The following DACH2 variants were observed in gnomAD, a reference collection of about 807,000 sequenced individuals.
DACH2 encodes dachshund homolog 2.
A neutral mutation model predicts 35.8 loss-of-function variants in DACH2; 17 were observed. That is an observed-to-expected ratio of 0.48 (90% CI 0.33 to 0.71). DACH2 has a LOEUF of 0.71. Ranked by LOEUF, DACH2 falls within the 30% of genes least tolerant of loss-of-function variation. The probability of loss-of-function intolerance (pLI) is 0.02; values close to 1 mark genes in which losing one functional copy is unlikely to be tolerated. For synonymous variants in DACH2, 195 were observed against 177.3 expected, an observed-to-expected ratio of 1.10 and a Z score of -0.79; for missense variants, 469 against 472.7, an observed-to-expected ratio of 0.99 and a Z score of 0.07.
chrX:86,763,701 C>T (rs1306803805), intron 7 of DACH2, among the ~76,000 whole-genome samples: 1 of 111,319 alleles, frequency 9.0e-6, no homozygotes, highest in Non-Finnish European at 1.9e-5. Flanking sequence ...ATCCACCTGC[C>T]TCGGCCTCCC....
chrX:86,451,131 A>G (rs1346804487), intron 2 of DACH2, among the ~76,000 whole-genome samples: 2 of 111,482 alleles, frequency 1.8e-5, no homozygotes. Context: ...TTTGTTATGA[A>G]ATCTTTGCCC....
chrX:86,714,576 T>A lies in DACH2; in HGVS notation c.960T>A (p.Pro320=). The change falls in exon 6 of 12, where the codon CCT becomes CCA. Residue 320 remains proline, a synonymous_variant. Transcript: ENST00000373125. ...NRLDLPFMMM[P]HPLLPVSLPP... is the part of the protein sequence containing the mutation. Reference sequence around the variant, plus strand: ...TGGATCTGCCATTTATGATGATGCCTCATCCCCTACTTCCAGTCAGCTTAC... The same window carrying A: ...TGGATCTGCCATTTATGATGATGCCACATCCCCTACTTCCAGTCAGCTTAC... 8.3e-7 allele frequency: 1 copy of A among 1,206,634 alleles called. No homozygotes were observed. Among genetic ancestry groups the A allele is most frequent in the South Asian group, 1.8e-5 (1 of 56,174 alleles).
At chrX:86,768,435 A>T (rs1464439701) in intron 7 of DACH2, among the ~76,000 whole-genome samples, 1 of 111,080 alleles carries the variant, frequency 9.0e-6, no homozygotes, top group African/African-American at 3.3e-5. Context: ...AGCATATGCA[A>T]TTCTATTTCT....
chrX:86,424,410 T>C (rs1377057126), intron 2 of DACH2, among the ~76,000 whole-genome samples: 1 of 111,290 alleles, frequency 9.0e-6, no homozygotes, highest in Admixed American at 9.6e-5. Context: ...ACTTCTTCAG[T>C]TAATTTCTAG....
chrX:86,667,537 GA>G (rs1379112358), intron 4 of DACH2, among the ~76,000 whole-genome samples: 373 of 50,796 alleles, frequency 7.3e-3, no homozygotes, highest in Middle Eastern at 0.011. Context: ...AAGAAAGAAA[GA>G]AAGAAAGAAG....
intron 2 of DACH2, among the ~76,000 whole-genome samples, chrX:86,395,366 T>A (rs966553667): frequency 3.6e-5 from 4 of 111,138 alleles, no homozygotes; most frequent in Non-Finnish European, 7.6e-5. Context: ...TTGTTATATA[T>A]ATTATATTTC....
At chrX:86,532,856 C>T (rs1314479990) in intron 3 of DACH2, among the ~76,000 whole-genome samples, 1 of 110,281 alleles carries the variant, frequency 9.1e-6, no homozygotes, top group African/African-American at 3.3e-5. Context: ...TGAGATAGAA[C>T]CATACATTGT....
chrX:86,699,810 T>A (rs1224433802), intron 5 of DACH2, among the ~76,000 whole-genome samples: 4 of 111,594 alleles, frequency 3.6e-5, no homozygotes, highest in African/African-American at 1.3e-4. Flanking sequence ...TAATTTGAGA[T>A]CTTCCAAACT....
chrX:86,305,303 G>C (rs760063395), intron 1 of DACH2, among the ~76,000 whole-genome samples: 2 of 111,699 alleles, frequency 1.8e-5, no homozygotes, highest in Non-Finnish European at 1.9e-5. Flanking sequence ...GATGTGTACT[G>C]TTGACAACAT....
intron 2 of DACH2, among the ~76,000 whole-genome samples, chrX:86,475,226 G>T (rs1391354848): frequency 9.0e-6 from 1 of 111,501 alleles, no homozygotes; most frequent in South Asian, 3.7e-4. Flanking sequence ...AATATCAACA[G>T]AATTGATATT....
At chrX:86,479,940 G>T (rs182318564) in intron 2 of DACH2, among the ~76,000 whole-genome samples, 2 of 112,559 alleles carry the variant, frequency 1.8e-5, no homozygotes, top group East Asian at 5.6e-4. Context: ...TGTTCTGAAA[G>T]GCCACGTATC....
At chrX:86,638,600 C>T (rs2040307697) in intron 3 of DACH2, among the ~76,000 whole-genome samples, 2 of 111,552 alleles carry the variant, frequency 1.8e-5, no homozygotes, top group South Asian at 7.5e-4. Flanking sequence ...AGGTAAAGGA[C>T]ATGAATAGAC....
chrX:86,449,781 A>T (rs1200640605), intron 2 of DACH2, among the ~76,000 whole-genome samples: 1 of 111,384 alleles, frequency 9.0e-6, no homozygotes, highest in East Asian at 2.8e-4. Context: ...CTATATTTTA[A>T]TCCCTCCCCC....
intron 4 of DACH2, among the ~76,000 whole-genome samples, chrX:86,667,907 G>C (rs1333066375): frequency 9.0e-6 from 1 of 111,684 alleles, no homozygotes; most frequent in Non-Finnish European, 1.9e-5. Flanking sequence ...TAAATAAAGT[G>C]AAAAAAATGT....
chrX:86,673,333 C>T (rs1411129379), intron 4 of DACH2, among the ~76,000 whole-genome samples: 1 of 22,092 alleles, frequency 4.5e-5, no homozygotes, highest in Non-Finnish European at 6.7e-5. Flanking sequence ...GAGACTCCGT[C>T]TCAAAAAAAA....
chrX:86,765,698 G>GTTTTTTTTTTTTTTTTTTTTT (rs60709865), intron 7 of DACH2, among the ~76,000 whole-genome samples: 8 of 24,637 alleles, frequency 3.2e-4, no homozygotes, highest in East Asian at 1.6e-3. Context: ...TTGTTTTTTG[G>GTTTTTTTTTTTTTTTTTTTTT]TTTTTTTTTT....
intron 7 of DACH2, among the ~76,000 whole-genome samples, chrX:86,786,972 C>T (rs2042143161): frequency 9.0e-6 from 1 of 111,064 alleles, no homozygotes; most frequent in Non-Finnish European, 1.9e-5. Flanking sequence ...GGGGGAGTCT[C>T]CCTGCACAAA....
chrX:86,510,034 C>G (rs1294269409), intron 2 of DACH2, among the ~76,000 whole-genome samples: 1 of 111,705 alleles, frequency 9.0e-6, no homozygotes, highest in African/African-American at 3.2e-5. Context: ...ATAAGTGTTT[C>G]TTTAAGAAGT....
At chrX:86,685,012 C>T (rs2040925171) in intron 4 of DACH2, among the ~76,000 whole-genome samples, 1 of 111,764 alleles carries the variant, frequency 8.9e-6, no homozygotes. Flanking sequence ...TCAGTGAGGA[C>T]AATGTGATTA....
Sources: allele counts gnomAD v4.1 joint callset (sites outside exome capture counted in the v4.1 genomes callset), GRCh38; gene constraint gnomAD v4.1.1; transcripts MANE v1.5; gene names NCBI Gene and HGNC (gene_info 2026-07-23, HGNC 2026-07-21).